Variants in CDCP1 observed in about 807,000 individuals in gnomAD.
The protein encoded by CDCP1 is CUB domain-containing protein 1.
A neutral mutation model predicts 60.2 loss-of-function variants in CDCP1; 29 were observed. The ratio of observed to expected loss-of-function variants is 0.48; its 90% confidence interval spans 0.36 to 0.66. The LOEUF is 0.66. CDCP1 is among the 30% of genes least tolerant of loss of function. CDCP1 has a pLI of 0.00. For synonymous variants in CDCP1, 387 were observed against 431.1 expected, an observed-to-expected ratio of 0.90 and a Z score of 1.27; for missense variants, 876 against 1,074.3, an observed-to-expected ratio of 0.82 and a Z score of 2.58.
At chr3:45,096,622 T>TAAA (rs1213969555) in intron 4 of CDCP1, among the ~76,000 whole-genome samples, 1 of 14,620 alleles carries the variant, frequency 6.8e-5, no homozygotes. Context: ...AGACTCCGTC[T>TAAA]CAAAAAAAAA....
chr3:45,102,647 A>AT (rs1464097020), intron 4 of CDCP1, among the ~76,000 whole-genome samples: 1 of 150,716 alleles, frequency 6.6e-6, no homozygotes, highest in African/African-American at 2.4e-5. Flanking sequence ...TCTACTAAAA[A>AT]AAAAAAAAAA....
chr3:45,101,841 G>A (rs968678281), intron 4 of CDCP1, among the ~76,000 whole-genome samples: 9 of 143,288 alleles, frequency 6.3e-5, no homozygotes, highest in East Asian at 4.4e-4. Context: ...AGCCGAGATC[G>A]CACCATTGCA....
intron 4 of CDCP1, among the ~76,000 whole-genome samples, chr3:45,099,124 C>CTT (rs1034563890): frequency 4.4e-5 from 6 of 137,424 alleles, no homozygotes; most frequent in South Asian, 2.3e-4. Context: ...CTTTTCTTTT[C>CTT]TTTTTTTTTT....
At chr3:45,121,923 A>G (rs910236023) in intron 1 of CDCP1, among the ~76,000 whole-genome samples, 1 of 151,962 alleles carries the variant, frequency 6.6e-6, no homozygotes, top group African/African-American at 2.4e-5. Context: ...AATCATTACC[A>G]CAGTTAAAAT....
chr3:45,126,142 C>CTT (rs1553611007), intron 1 of CDCP1, among the ~76,000 whole-genome samples: 4 of 140,066 alleles, frequency 2.9e-5, no homozygotes, highest in African/African-American at 8.6e-5. Context: ...TTCTTTCTTT[C>CTT]TTTCTTTCTT....
In CDCP1 at chr3:45,091,359, G is replaced by T; in HGVS notation, c.1807C>A (p.Arg603Ser). 6.2e-7 allele frequency: 1 copy of T among 1,614,110 alleles called. No homozygotes were observed. The highest frequency in any genetic ancestry group is 8.5e-7 in the Non-Finnish European group (1 of 1,180,028). Residue 603 changes from arginine to serine, a missense_variant, in exon 7 of 9, where the codon CGC becomes AGC. Arg to Ser is a moderately radical substitution (Grantham distance 110). Transcript: ENST00000296129. The surrounding 1 kb of genome is among the most constrained non-coding windows in gnomAD (Gnocchi z 4.8). ...ERSGVVCQTG[R>S]AFMIIQEQRT... The stretch of plus-strand genomic sequence containing the variant: ...TGCTCCTGGATGATCATGAATGCGC[G>T]CCCTGTCTGGCAGACCACGCCGCTC...
At chr3:45,107,394 G>C (rs1406686185) in intron 4 of CDCP1, among the ~76,000 whole-genome samples, 2 of 151,952 alleles carry the variant, frequency 1.3e-5, no homozygotes, top group Admixed American at 1.3e-4. Flanking sequence ...TTTTAGTAGA[G>C]ATGGGGTTTC....
At chr3:45,093,204 A>C in intron 6 of CDCP1, 73 bp downstream of exon 6, 1 of 1,512,322 alleles carries the variant, frequency 6.6e-7, no homozygotes, top group Non-Finnish European at 8.9e-7. Flanking sequence ...AACTTAATTA[A>C]GGTGATCACA....
chr3:45,143,513 C>A (rs1457256522), intron 1 of CDCP1, among the ~76,000 whole-genome samples: 1 of 152,190 alleles, frequency 6.6e-6, no homozygotes, highest in Non-Finnish European at 1.5e-5. Context: ...GGGATGATCC[C>A]ATTTTTGGTT....
At position 45,119,058 on chromosome 3, in the gene CDCP1, G is replaced by A. The variant is rs535351538; in HGVS notation, c.83-437C>T. Among the ~76,000 whole-genome samples the A allele has an allele frequency of 2.0e-5, 3 of 152,040 alleles. No homozygotes were observed. The East Asian group carries it at 5.8e-4, about 29-fold the overall frequency. ...CAAAGAGCTGCTGTCCCTTGCCCTGGGTGCTTTATATGCCCAGCACATACA... is the reference window on the plus strand; with the variant it reads ...CAAAGAGCTGCTGTCCCTTGCCCTGAGTGCTTTATATGCCCAGCACATACA... On this transcript the variant is annotated intron_variant, in intron 1 of 8. Transcript: ENST00000296129.
chr3:45,104,303 A>C (rs1698527723), intron 4 of CDCP1, among the ~76,000 whole-genome samples: 1 of 152,178 alleles, frequency 6.6e-6, no homozygotes. Context: ...TTTGCACCTC[A>C]TTCATTAGTC....
chr3:45,141,132 TG>T (rs1041157481), intron 1 of CDCP1, among the ~76,000 whole-genome samples: 11 of 151,372 alleles, frequency 7.3e-5, no homozygotes, highest in Admixed American at 5.9e-4. Flanking sequence ...ACCCAGGAGG[TG>T]GGGGTTGCAG....
In CDCP1 at chr3:45,091,441, G is replaced by A. The variant is rs1399155125; in HGVS notation, c.1725C>T (p.Ser575=). 1 of 1,612,804 alleles carries A rather than the reference G, an allele frequency of 6.2e-7. No individual in the cohort carries two copies. The highest frequency in any genetic ancestry group is 8.5e-7 in the Non-Finnish European group (1 of 1,179,480). The change falls in exon 7 of 9, where the codon TCC becomes TCT. Residue 575 remains serine, a synonymous_variant. Coordinates refer to ENST00000296129, the MANE Select transcript of CDCP1 (RefSeq NM_022842.5). This position sits in a 1 kb window ranked among gnomAD's most constrained non-coding sequence, Gnocchi z 4.8. ...DRGLPSLTSV[S]WNISVPRDQV... is the part of the protein sequence containing the mutation. Reference sequence around the variant, plus strand: ...GGTCTCTGGGCACGCTGATGTTCCAGGACACAGAGGTGAGGGATGGCAGGC... The same window carrying A: ...GGTCTCTGGGCACGCTGATGTTCCAAGACACAGAGGTGAGGGATGGCAGGC...
chr3:45,142,318 G>A (rs1004286713), intron 1 of CDCP1, among the ~76,000 whole-genome samples: 2 of 152,036 alleles, frequency 1.3e-5, no homozygotes, highest in African/African-American at 4.8e-5. Flanking sequence ...GGTCAGCACC[G>A]CTAGGCAAAA....
At chr3:45,090,801 G>A (rs1483874380) in intron 7 of CDCP1, among the ~76,000 whole-genome samples, 3 of 152,206 alleles carry the variant, frequency 2.0e-5, no homozygotes, top group Non-Finnish European at 4.4e-5. Flanking sequence ...ATCATGTAGA[G>A]TCAAGCCAAG....
chr3:45,130,993 A>T (rs1559400363), intron 1 of CDCP1, among the ~76,000 whole-genome samples: 1 of 152,036 alleles, frequency 6.6e-6, no homozygotes, highest in Non-Finnish European at 1.5e-5. Flanking sequence ...CAGCCTCCTG[A>T]GTAGCTGGGA....
intron 1 of CDCP1, among the ~76,000 whole-genome samples, chr3:45,131,676 T>C (rs1032761448): frequency 6.6e-6 from 1 of 152,126 alleles, no homozygotes; most frequent in Non-Finnish European, 1.5e-5. Context: ...AGTAATCCCC[T>C]GGATTACTAT....
At chr3:45,109,192 G>T (rs1376478643) in intron 4 of CDCP1, among the ~76,000 whole-genome samples, 1 of 151,518 alleles carries the variant, frequency 6.6e-6, no homozygotes, top group Non-Finnish European at 1.5e-5. Flanking sequence ...CAAGTGATTT[G>T]CCTGCCTTGG....
At chr3:45,144,096 C>T (rs1699341000) in intron 1 of CDCP1, among the ~76,000 whole-genome samples, 1 of 152,134 alleles carries the variant, frequency 6.6e-6, no homozygotes. Context: ...CCCAATGTAA[C>T]CAGTGTTTCA....
Sources: allele counts gnomAD v4.1 joint callset (sites outside exome capture counted in the v4.1 genomes callset), GRCh38; gene constraint gnomAD v4.1.1; non-coding constraint Gnocchi (gnomAD v3.1); transcripts MANE v1.5; gene names NCBI Gene and HGNC (gene_info 2026-07-23, HGNC 2026-07-21).